Variants in DPF1 observed in about 807,000 individuals in gnomAD.
DPF1 encodes the protein double PHD fingers 1.
DPF1 carries 14 observed loss-of-function variants against 58.7 expected under a neutral mutation model. That is an observed-to-expected ratio of 0.24 (90% CI 0.16 to 0.37). The LOEUF is 0.37. Among genes scored for constraint, DPF1 ranks in the 10% least tolerant of loss-of-function variants. The pLI is 1.00. For missense variants in DPF1, 345 were observed against 529.9 expected, an observed-to-expected ratio of 0.65 and a Z score of 3.43; for synonymous variants, 216 against 216.0, an observed-to-expected ratio of 1.00 and a Z score of 0.00.
Position 38,222,280 on chromosome 19 carries a change from G to C in DPF1, c.298+77C>G. 1 of 1,275,356 alleles carries C rather than the reference G, an allele frequency of 7.8e-7. No homozygotes were observed. 79.0% of individuals were successfully genotyped at this position (1,275,356 alleles called of 1,614,324 possible). A position where few individuals can be genotyped will look rare whatever the true frequency, so the allele number is the denominator to read the frequency against. ...GCCAGGCAGACACTTGCTAGAAGGC[G>C]ATAAAGGTGATGGACGAGTGCTAGG... is the stretch of plus-strand genomic sequence containing the variant. On this transcript the variant is annotated intron_variant, in intron 3 of 11. Transcript: ENST00000355526. The surrounding 1 kb of genome is among the most constrained non-coding windows in gnomAD (Gnocchi z 4.9).
chr19:38,213,159 G>C (rs1457327446), intron 10 of DPF1, among the ~76,000 whole-genome samples: 4 of 151,796 alleles, frequency 2.6e-5, no homozygotes, highest in Admixed American at 1.3e-4. Context: ...TATTTTTGTA[G>C]AGATGGGGTT....
chr19:38,228,343 C>A (rs1254207471), upstream of DPF1, among the ~76,000 whole-genome samples: 1 of 150,798 alleles, frequency 6.6e-6, no homozygotes, highest in African/African-American at 2.4e-5. Context: ...AGCCAGCAGG[C>A]GCATCCCTTC....
chr19:38,228,591 G>C (rs1967925542), upstream of DPF1: 2 of 140,660 alleles, frequency 1.4e-5, no homozygotes, highest in South Asian at 2.7e-4. Flanking sequence ...GGGAGGGCGG[G>C]AGCGGCCGAG....
upstream of DPF1, among the ~76,000 whole-genome samples, chr19:38,225,574 G>GCAAA (rs113225836): frequency 0.53 from 78,665 of 148,428 alleles, 20,979 homozygotes; most frequent in East Asian, 0.64. Context: ...GTCTCTAAAA[G>GCAAA]CAAACAAACA....
chr19:38,215,850 G>A (rs750529116), intron 9 of DPF1, among the ~76,000 whole-genome samples: 10 of 152,212 alleles, frequency 6.6e-5, no homozygotes, highest in Admixed American at 2.6e-4. Context: ...GATTACAGGC[G>A]TGAGCCACCA....
rs1242183452 is a variant in DPF1, at chr19:38,213,712, C to T, written c.943G>A (p.Val315Met). The T allele has an allele frequency of 3.7e-6, 6 of 1,613,784 alleles. No homozygotes were observed. Among genetic ancestry groups the T allele is most frequent in the Admixed American group, 3.3e-5 (2 of 59,996 alleles). ...ATGCACTGCCAGCGGTAGGTCCGCACGGCTGCCGTCATGTTCACCGTGAAT... is the reference window on the plus strand; with the variant it reads ...ATGCACTGCCAGCGGTAGGTCCGCATGGCTGCCGTCATGTTCACCGTGAAT... The part of the protein sequence containing the change: ...LQFTVNMTAA[V>M]RTYRWQCIEC... Residue 315 changes from valine (V) to methionine (M), a missense_variant, in exon 10 of 12, where the codon GTG becomes ATG. By Grantham distance (21) the Val-to-Met change is conservative. Transcript: ENST00000355526.
Position 38,222,939 on chromosome 19 carries a change from C to A in DPF1, c.30-231G>T. On this transcript the variant is annotated intron_variant, in intron 1 of 11. Coordinates refer to ENST00000355526, the MANE Select transcript of DPF1 (RefSeq NM_001135155.3). The surrounding 1 kb of genome is among the most constrained non-coding windows in gnomAD (Gnocchi z 4.9). Reference sequence around the variant, plus strand: ...GGCCCCCAGCTCATGAGTAGAAACACGATACAGAAACAAACAAAAACACAC... The same window carrying A: ...GGCCCCCAGCTCATGAGTAGAAACAAGATACAGAAACAAACAAAAACACAC... 1.9e-6 allele frequency: 1 copy of A among 535,594 alleles called. No homozygotes were observed. Among genetic ancestry groups the A allele is most frequent in the Admixed American group, 3.9e-5 (1 of 25,704 alleles). 33.2% of individuals were successfully genotyped at this position (535,594 alleles called of 1,614,324 possible).
intron 3 of DPF1, 64 bp from the exon 4 acceptor site, chr19:38,219,122 G>A: frequency 6.3e-7 from 1 of 1,594,122 alleles, no homozygotes; most frequent in African/African-American, 1.3e-5. Context: ...CTCAAACTAT[G>A]CAGGTGGGGG....
chr19:38,211,965 C>A lies in DPF1; in HGVS notation c.*98G>T. The A allele has an allele frequency of 7.1e-7, 1 of 1,398,768 alleles. No homozygotes were observed. The highest frequency in any genetic ancestry group is 9.9e-7 in the Non-Finnish European group (1 of 1,013,740). 86.6% of individuals were successfully genotyped at this position (1,398,768 alleles called of 1,614,324 possible). On this transcript the variant is annotated 3_prime_UTR_variant, in exon 12 of 12. Coordinates refer to ENST00000355526, the MANE Select transcript of DPF1 (RefSeq NM_001135155.3). The surrounding 1 kb of genome is among the most constrained non-coding windows in gnomAD (Gnocchi z 4.0). ...GCCCCCTCTCGGCTTCCCCCTCTCC[C>A]CCTCCCCCTGCGGGATGTTCAGGGT...
chr19:38,217,527 G>C lies in DPF1; in HGVS notation c.660C>G (p.Ala220=), dbSNP rs1600253305. 1 of 1,551,510 alleles carries C rather than the reference G, an allele frequency of 6.4e-7. No homozygotes were observed. ...LSYHYTHTHL[A]EEEGEENAER... ...CGGCGTTCTCCTCCCCCTCCTCCTCGGCCAGGTGGGTGTGGGTGTAGTGGT... is the reference window on the plus strand; with the variant it reads ...CGGCGTTCTCCTCCCCCTCCTCCTCCGCCAGGTGGGTGTGGGTGTAGTGGT... Residue 220 remains alanine (A), a synonymous_variant, in exon 7 of 12, where the codon GCC becomes GCG. Coordinates refer to ENST00000355526, the MANE Select transcript of DPF1 (RefSeq NM_001135155.3).
chr19:38,222,781 C>CTTCCCT lies in DPF1; in HGVS notation c.30-74_30-73insAGGGAA. The CTTCCCT allele has an allele frequency of 7.0e-7, 1 of 1,432,530 alleles. No individual in the cohort carries two copies. The highest frequency in any genetic ancestry group is 9.1e-7 in the Non-Finnish European group (1 of 1,092,958). The allele number at this position is 1,432,530 out of a possible 1,614,324, so 88.7% of individuals were successfully genotyped here. ...ACAGGGTCGCCCAGCACCCCTTCCC[C>CTTCCCT]GGCTGCCGGGCCGCCCAGGCTCGGG... On this transcript the variant is annotated intron_variant, in intron 1 of 11. Transcript: ENST00000355526. The surrounding 1 kb of genome is among the most constrained non-coding windows in gnomAD (Gnocchi z 4.9).
chr19:38,216,295 G>A (rs1428525915), intron 8 of DPF1, 36 bp from the exon 9 acceptor site: 1 of 1,612,050 alleles, frequency 6.2e-7, no homozygotes, highest in African/African-American at 1.3e-5. Flanking sequence ...CACGGGGCAG[G>A]CAAGGGCACC....
chr19:38,219,064 G>T lies in DPF1; in HGVS notation c.299-6C>A. On this transcript the variant is annotated splice_region_variant and splice_polypyrimidine_tract_variant and intron_variant, in intron 3 of 11. Transcript: ENST00000355526. Reference sequence around the variant, plus strand: ...CTTCAGGGGTGCTTCACAGTCTGGGGACAGGGCCATGGGGGGGTCAGATGG... The same window carrying T: ...CTTCAGGGGTGCTTCACAGTCTGGGTACAGGGCCATGGGGGGGTCAGATGG... 2 of 1,613,750 alleles carry T rather than the reference G, an allele frequency of 1.2e-6. No individual in the cohort carries two copies. The highest frequency in any genetic ancestry group is 1.7e-6 in the Non-Finnish European group (2 of 1,179,988).
chr19:38,224,281 G>A, upstream of DPF1: 3 of 1,262,414 alleles, frequency 2.4e-6, no homozygotes, highest in Non-Finnish European at 3.0e-6. This position sits in a 1 kb window ranked among gnomAD's most constrained non-coding sequence, Gnocchi z 4.5. Context: ...GCGACGGGGC[G>A]GGCCCGCCCG....
upstream of DPF1, among the ~76,000 whole-genome samples, chr19:38,225,394 C>A (rs10407156): frequency 0.29 from 43,399 of 151,714 alleles, 7,051 homozygotes; most frequent in African/African-American, 0.45. Flanking sequence ...TATCCAGACC[C>A]CTGTGTCTAC....
At position 38,216,389 on chromosome 19, in the gene DPF1, A is replaced by G; in HGVS notation, c.742T>C (p.Leu248=). The change falls in exon 8 of 12, where the codon TTG becomes CTG. Residue 248 remains leucine (L), a synonymous_variant. Transcript: ENST00000355526. ...KNNHKQFYKE[L]AWVPEAQRKH... ...CTTTGTGCCTCAGGGACCCAGGCCA[A>G]TTCTTTGTAAAACTCTGGGGTAGGG... is the stretch of plus-strand genomic sequence containing the variant. 1 of 1,592,980 alleles carries G rather than the reference A, an allele frequency of 6.3e-7. No homozygotes were observed. Among genetic ancestry groups the G allele is most frequent in the Non-Finnish European group, 8.6e-7 (1 of 1,168,988 alleles).
At position 38,224,206 on chromosome 19, in the gene DPF1, G is replaced by A. The variant is rs1967712986; in HGVS notation, c.-64C>T. ...GGTCGGTCCTCCCAGCGGTCGGGCG[G>A]GCGCTGAGGCCGCCCATCCATTCAT... On this transcript the variant is annotated 5_prime_UTR_variant, in exon 1 of 12. Coordinates refer to ENST00000355526, the MANE Select transcript of DPF1 (RefSeq NM_001135155.3). This position sits in a 1 kb window ranked among gnomAD's most constrained non-coding sequence, Gnocchi z 4.5. 4 of 1,338,790 alleles carry A rather than the reference G, an allele frequency of 3.0e-6. No homozygotes were observed. The highest frequency in any genetic ancestry group is 4.4e-5 in the South Asian group (2 of 45,434). 82.9% of individuals were successfully genotyped at this position (1,338,790 alleles called of 1,614,324 possible).
rs1182321859 is a variant in DPF1 at position 38,222,551 on chromosome 19, G to GCC, written c.185_186dup (p.Pro63GlyfsTer44). Reference sequence around the variant, plus strand: ...GCGCCAGCCCTCCCGGCGGTACCCGGCCCGCGGTGGGTCTTCTCCATCCAG... The same window carrying GCC: ...GCGCCAGCCCTCCCGGCGGTACCCGGCCCCCGCGGTGGGTCTTCTCCATCCAG... On this transcript the variant is annotated frameshift_variant, in exon 2 of 12. Transcript: ENST00000355526. LOFTEE classifies it high-confidence loss of function. The surrounding 1 kb of genome is among the most constrained non-coding windows in gnomAD (Gnocchi z 4.9). The GCC allele has an allele frequency of 6.2e-7, 1 of 1,606,948 alleles. No homozygotes were observed. Among genetic ancestry groups the GCC allele is most frequent in the Non-Finnish European group, 8.5e-7 (1 of 1,177,094 alleles).
chr19:38,227,323 C>G (rs1967873509), upstream of DPF1, among the ~76,000 whole-genome samples: 1 of 152,070 alleles, frequency 6.6e-6, no homozygotes, highest in Admixed American at 6.6e-5. Context: ...AGTGATCTGC[C>G]CACCCTGCCC....
Sources: gnomAD v4.1 joint callset for allele counts (sites outside exome capture counted in the v4.1 genomes callset) on GRCh38, gnomAD v4.1.1 for gene constraint, Gnocchi (gnomAD v3.1) non-coding constraint, MANE v1.5 for transcripts, NCBI Gene and HGNC (gene_info 2026-07-23, HGNC 2026-07-21) for gene names.